Variants in SHLD1 observed in about 807,000 individuals in gnomAD.
SHLD1 encodes the protein shieldin complex subunit 1.
In SHLD1, 3 loss-of-function variants were observed where a neutral mutation model predicts 5.5. The observed-to-expected ratio is 0.54, with a 90% CI of 0.25 to 1.40. The LOEUF (loss-of-function observed/expected upper bound fraction) is 1.40, where lower values mean the gene tolerates loss of function less well. Ranked by LOEUF, SHLD1 falls within the 40% of genes most tolerant of loss-of-function variation. The probability of loss-of-function intolerance (pLI) is 0.15; values close to 1 mark genes in which losing one functional copy is unlikely to be tolerated. For missense variants in SHLD1, 210 were observed against 244.4 expected (o/e 0.86, Z 0.94); for synonymous variants, 92 against 94.3 (o/e 0.98, Z 0.14).
At chr20:5,773,324 G>T in intron 2 of SHLD1, 2 of 598,110 alleles carry the variant, frequency 3.3e-6, no homozygotes, top group Non-Finnish European at 6.0e-6. Flanking sequence ...TTCAGAAGCA[G>T]GGGAATATTT....
chr20:5,752,976 A>G (rs535878208), intron 1 of SHLD1, among the ~76,000 whole-genome samples: 144 of 152,196 alleles, frequency 9.5e-4, no homozygotes, highest in Admixed American at 2.0e-3. Flanking sequence ...TTGTATTTTC[A>G]GTAGAGATGG....
intron 2 of SHLD1, among the ~76,000 whole-genome samples, chr20:5,778,736 T>C (rs1367552103): frequency 2.0e-5 from 3 of 152,206 alleles, no homozygotes; most frequent in Non-Finnish European, 4.4e-5. Context: ...TTCTGTTATT[T>C]AATAACACCA....
At chr20:5,823,650 G>T (rs913682623) in intron 2 of SHLD1, among the ~76,000 whole-genome samples, 2 of 152,006 alleles carry the variant, frequency 1.3e-5, no homozygotes, top group African/African-American at 4.8e-5. Flanking sequence ...GTTTCACCAT[G>T]TTGGCCAGGC....
chr20:5,797,902 T>C (rs1268852852), intron 2 of SHLD1, among the ~76,000 whole-genome samples: 1 of 152,244 alleles, frequency 6.6e-6, no homozygotes, highest in Non-Finnish European at 1.5e-5. Flanking sequence ...CTCTGTTCTC[T>C]GTCATCAACA....
At chr20:5,827,483 C>T (rs1196166688) in intron 2 of SHLD1, among the ~76,000 whole-genome samples, 1 of 152,170 alleles carries the variant, frequency 6.6e-6, no homozygotes, top group East Asian at 1.9e-4. Flanking sequence ...TATGGCACCC[C>T]CAGTCTGCAG....
chr20:5,764,180 A>ATATATATATATATATATATTTT (rs1984680944), intron 1 of SHLD1, among the ~76,000 whole-genome samples: 1 of 56,888 alleles, frequency 1.8e-5, no homozygotes, highest in African/African-American at 7.0e-5. Context: ...ATATATTTTT[A>ATATATATATATATATATATTTT]TATATATATA....
chr20:5,784,005 AG>A (rs1437258814), intron 2 of SHLD1, among the ~76,000 whole-genome samples: 8 of 152,102 alleles, frequency 5.3e-5, no homozygotes, highest in African/African-American at 1.9e-4. Flanking sequence ...TACAAAAATT[AG>A]CCAGGTTGGT....
At position 5,776,056 on chromosome 20, in the gene SHLD1, T is replaced by G. The variant is rs563975527; in HGVS notation, c.178+3013T>G. 8.2e-4 allele frequency among the ~76,000 whole-genome samples: 125 copies of G among 151,694 alleles called. 1 individual carries two copies. The highest frequency in any genetic ancestry group is 3.8e-3 in the Admixed American group (58 of 15,182). On this transcript the variant is annotated intron_variant, in intron 2 of 2. Transcript: ENST00000303142. ...AATTCTCCTGTCTCAGCCTCCCAAG[T>G]AGCTGGAATTACAGGTGAGCGCAAC...
chr20:5,823,075 G>C (rs1455893793), intron 2 of SHLD1, among the ~76,000 whole-genome samples: 1 of 129,626 alleles, frequency 7.7e-6, no homozygotes, highest in Non-Finnish European at 1.5e-5. Context: ...TCCAAATCCA[G>C]TGGTCGGTTC....
intron 2 of SHLD1, among the ~76,000 whole-genome samples, chr20:5,779,006 C>T (rs1336068149): frequency 6.6e-6 from 1 of 152,026 alleles, no homozygotes; most frequent in East Asian, 1.9e-4. Flanking sequence ...AATTCAAGAC[C>T]AGCCTGGACA....
chr20:5,840,573 G>A (rs1307624920), intron 2 of SHLD1, among the ~76,000 whole-genome samples: 1 of 152,156 alleles, frequency 6.6e-6, no homozygotes, highest in Non-Finnish European at 1.5e-5. Context: ...TTATTGGGAA[G>A]CTTCCAGTTG....
chr20:5,798,617 CTTT>C (rs35976290), intron 2 of SHLD1, among the ~76,000 whole-genome samples: 4 of 136,756 alleles, frequency 2.9e-5, no homozygotes, highest in Admixed American at 7.4e-5. Context: ...TTTTAGTTTT[CTTT>C]TTTTTTTTTT....
At chr20:5,846,128 A>T (rs1028179290) in intron 2 of SHLD1, among the ~76,000 whole-genome samples, 1 of 152,214 alleles carries the variant, frequency 6.6e-6, no homozygotes, top group Non-Finnish European at 1.5e-5. Flanking sequence ...AAATGTCAAC[A>T]CTGAAACTGG....
At chr20:5,775,923 A>ATTGTTTTTTTTTTTTT (rs1985402252) in intron 2 of SHLD1, among the ~76,000 whole-genome samples, 1 of 77,676 alleles carries the variant, frequency 1.3e-5, no homozygotes. Context: ...TCAGCTCAGG[A>ATTGTTTTTTTTTTTTT]TTTTTTTTTT....
chr20:5,853,607 G>A (rs1386927175), intron 2 of SHLD1, among the ~76,000 whole-genome samples: 3 of 152,006 alleles, frequency 2.0e-5, no homozygotes, highest in African/African-American at 7.3e-5. Context: ...GGTTGTTTAG[G>A]TGACAGAGTG....
intron 2 of SHLD1, among the ~76,000 whole-genome samples, chr20:5,813,721 T>C (rs1368886475): frequency 6.6e-6 from 1 of 152,196 alleles, no homozygotes; most frequent in Non-Finnish European, 1.5e-5. Context: ...ACATTTTTGT[T>C]TTGCTTGTAA....
intron 2 of SHLD1, among the ~76,000 whole-genome samples, chr20:5,778,492 A>G (rs1985542147): frequency 1.3e-5 from 2 of 151,662 alleles, no homozygotes; most frequent in South Asian, 2.1e-4. Context: ...CTGTGGTTCC[A>G]GCTACTCTGG....
intron 2 of SHLD1, among the ~76,000 whole-genome samples, chr20:5,850,491 T>C (rs112054558): frequency 0.022 from 3,303 of 151,060 alleles, 122 homozygotes; most frequent in African/African-American, 0.076. Context: ...CCTTCCCAGT[T>C]CCAGCTTTTT....
At chr20:5,754,850 G>C (rs1454195417) in intron 1 of SHLD1, among the ~76,000 whole-genome samples, 2 of 152,188 alleles carry the variant, frequency 1.3e-5, no homozygotes, top group African/African-American at 4.8e-5. Context: ...GAGGTCAAAA[G>C]TTCAAGACCA....
Sources: allele counts gnomAD v4.1 joint callset (sites outside exome capture counted in the v4.1 genomes callset), GRCh38; gene constraint gnomAD v4.1.1; transcripts MANE v1.5; gene names NCBI Gene and HGNC (gene_info 2026-07-23, HGNC 2026-07-21).